The following ZNF407 variants were observed in gnomAD, a reference collection of about 807,000 sequenced individuals.
ZNF407 encodes zinc finger protein 407.
Under a neutral mutation model 131.2 loss-of-function variants are expected in ZNF407, and 17 were observed. The observed-to-expected ratio is 0.13, with a 90% CI of 0.09 to 0.19. The LOEUF (loss-of-function observed/expected upper bound fraction) is 0.19, where lower values mean the gene tolerates loss of function less well. Among genes scored for constraint, ZNF407 ranks in the 10% least tolerant of loss-of-function variants. The pLI is 1.00. For missense variants in ZNF407, 2,681 were observed against 2,830.6 expected, an observed-to-expected ratio of 0.95 and a Z score of 1.20; for synonymous variants, 1,156 against 1,062.0, an observed-to-expected ratio of 1.09 and a Z score of -1.72.
intron 7 of ZNF407, among the ~76,000 whole-genome samples, chr18:74,907,924 C>T (rs1971618106): frequency 6.6e-6 from 1 of 152,112 alleles, no homozygotes; most frequent in Non-Finnish European, 1.5e-5. Context: ...TAAATTTTGC[C>T]AATCTGTCAC....
intron 3 of ZNF407, among the ~76,000 whole-genome samples, chr18:74,714,916 C>G (rs894425508): frequency 3.9e-5 from 6 of 152,096 alleles, no homozygotes; most frequent in Admixed American, 1.3e-4. Flanking sequence ...CTCCTCTGCT[C>G]ACGGTGGAAC....
chr18:74,814,587 G>C (rs1305156838), intron 4 of ZNF407, among the ~76,000 whole-genome samples: 4 of 152,180 alleles, frequency 2.6e-5, no homozygotes, highest in African/African-American at 9.7e-5. Flanking sequence ...TTTATCCTCT[G>C]TCAATTTCCA....
intron 8 of ZNF407, among the ~76,000 whole-genome samples, chr18:74,952,606 G>C (rs1055533030): frequency 1.3e-5 from 2 of 152,208 alleles, no homozygotes; most frequent in Non-Finnish European, 2.9e-5. Flanking sequence ...GGAGCAGGAA[G>C]GGGCTGGACG....
chr18:74,692,342 G>C (rs1252064821), intron 3 of ZNF407, among the ~76,000 whole-genome samples: 1 of 152,004 alleles, frequency 6.6e-6, no homozygotes, highest in Middle Eastern at 3.2e-3. Flanking sequence ...GCAGGAGCTG[G>C]TGTTCCAGCT....
intron 6 of ZNF407, among the ~76,000 whole-genome samples, chr18:74,889,193 T>C (rs1311362127): frequency 6.6e-6 from 1 of 152,176 alleles, no homozygotes; most frequent in Non-Finnish European, 1.5e-5. Flanking sequence ...TGTAAGTGCA[T>C]GCAGGATATT....
intron 3 of ZNF407, among the ~76,000 whole-genome samples, chr18:74,779,103 A>ATTTT (rs1969538914): frequency 2.2e-4 from 6 of 26,908 alleles, no homozygotes; most frequent in Non-Finnish European, 2.9e-4. Context: ...ATATATATAT[A>ATTTT]TATATATTTT....
intron 8 of ZNF407, among the ~76,000 whole-genome samples, chr18:74,923,723 A>T (rs1450501932): frequency 1.3e-5 from 2 of 152,230 alleles, no homozygotes; most frequent in Non-Finnish European, 2.9e-5. Context: ...TTTTAGATAC[A>T]GACATACACA....
At chr18:74,899,802 C>T (rs1971499362) in intron 7 of ZNF407, among the ~76,000 whole-genome samples, 2 of 152,196 alleles carry the variant, frequency 1.3e-5, no homozygotes, top group Admixed American at 1.3e-4. Flanking sequence ...GCCACAGCCA[C>T]TGGGTCTCAG....
intron 3 of ZNF407, among the ~76,000 whole-genome samples, chr18:74,641,434 A>G (rs1202131189): frequency 6.6e-6 from 1 of 152,178 alleles, no homozygotes; most frequent in Admixed American, 6.5e-5. Context: ...AGACATACAA[A>G]AATACATAAT....
intron 3 of ZNF407, among the ~76,000 whole-genome samples, chr18:74,662,464 T>A (rs967281783): frequency 6.6e-6 from 1 of 152,216 alleles, no homozygotes; most frequent in African/African-American, 2.4e-5. Context: ...AATACAACAT[T>A]AGGCTTGAAA....
At chr18:74,649,611 A>G (rs1354025171) in intron 3 of ZNF407, among the ~76,000 whole-genome samples, 2 of 152,196 alleles carry the variant, frequency 1.3e-5, no homozygotes, top group Non-Finnish European at 2.9e-5. Flanking sequence ...GCCTGGTCCA[A>G]TCCATCTAGT....
chr18:74,745,906 G>A (rs1968657843), intron 3 of ZNF407, among the ~76,000 whole-genome samples: 1 of 152,124 alleles, frequency 6.6e-6, no homozygotes, highest in Non-Finnish European at 1.5e-5. Context: ...GGGATTTCTT[G>A]CATATCTCTT....
At chr18:74,671,707 T>G (rs963876700) in intron 3 of ZNF407, among the ~76,000 whole-genome samples, 33 of 152,190 alleles carry the variant, frequency 2.2e-4, no homozygotes, top group African/African-American at 8.0e-4. Flanking sequence ...CTCATTCTTT[T>G]TTATTGCTGC....
intron 7 of ZNF407, among the ~76,000 whole-genome samples, chr18:74,914,585 A>C (rs977087408): frequency 3.3e-5 from 5 of 152,226 alleles, no homozygotes; most frequent in African/African-American, 9.6e-5. Context: ...GATTACATTC[A>C]GTCCTTTGGT....
chr18:75,014,880 T>C (rs977802700), intron 8 of ZNF407, among the ~76,000 whole-genome samples: 1 of 152,134 alleles, frequency 6.6e-6, no homozygotes, highest in Non-Finnish European at 1.5e-5. Context: ...TAATAGCTAT[T>C]CCATGCCAAT....
At chr18:74,732,111 T>C (rs1434745617) in intron 3 of ZNF407, among the ~76,000 whole-genome samples, 1 of 152,230 alleles carries the variant, frequency 6.6e-6, no homozygotes, top group Non-Finnish European at 1.5e-5. Context: ...TATTTTTTGC[T>C]GTATTTGAAT....
chr18:74,712,369 A>G (rs1243742356), intron 3 of ZNF407, among the ~76,000 whole-genome samples: 1 of 152,214 alleles, frequency 6.6e-6, no homozygotes, highest in African/African-American at 2.4e-5. Flanking sequence ...ATAAAATGCT[A>G]TTTGAGCCCA....
intron 3 of ZNF407, among the ~76,000 whole-genome samples, chr18:74,669,695 C>T (rs1048507649): frequency 7.9e-5 from 12 of 152,156 alleles, no homozygotes; most frequent in Admixed American, 2.0e-4. Context: ...GCCTGTGGCA[C>T]GTGCTCATCT....
chr18:74,928,950 A>C (rs1355148664), intron 8 of ZNF407, among the ~76,000 whole-genome samples: 1 of 152,182 alleles, frequency 6.6e-6, no homozygotes, highest in Admixed American at 6.5e-5. Context: ...CATCCTGAAA[A>C]AAGTATCCTT....
Sources: allele counts gnomAD v4.1 joint callset (sites outside exome capture counted in the v4.1 genomes callset), GRCh38; gene constraint gnomAD v4.1.1; transcripts MANE v1.5; gene names NCBI Gene and HGNC (gene_info 2026-07-23, HGNC 2026-07-21).